Variants in ATP6V1B1 observed in about 807,000 individuals in gnomAD.
The protein encoded by ATP6V1B1 is ATPase H+ transporting V1 subunit B1, also known as V-type proton ATPase subunit B, kidney isoform.
ATP6V1B1 carries 41 observed loss-of-function variants against 62.1 expected under a neutral mutation model. The ratio of observed to expected loss-of-function variants is 0.66; its 90% CI spans 0.51 to 0.86. ATP6V1B1 has a LOEUF of 0.86. Among genes scored for constraint, ATP6V1B1 ranks in the 40% least tolerant of loss-of-function variants. ATP6V1B1 has a pLI of 0.00. For synonymous variants in ATP6V1B1, 253 were observed against 273.4 expected, an observed-to-expected ratio of 0.93 and a Z score of 0.74; for missense variants, 651 against 697.5, an observed-to-expected ratio of 0.93 and a Z score of 0.75.
intron 1 of ATP6V1B1, chr2:70,941,311 G>A: frequency 2.0e-6 from 2 of 985,592 alleles, no homozygotes; most frequent in Non-Finnish European, 2.4e-6. Context: ...CCCTCCTGGA[G>A]GTGACAGGTC....
chr2:70,961,324 G>A (rs1370350147), intron 7 of ATP6V1B1, among the ~76,000 whole-genome samples: 1 of 152,158 alleles, frequency 6.6e-6, no homozygotes, highest in African/African-American at 2.4e-5. Flanking sequence ...AGCAGCTGGC[G>A]ACAGGAGGGG....
At chr2:70,945,701 G>GATAGATATAT (rs1553417204) in intron 2 of ATP6V1B1, among the ~76,000 whole-genome samples, 3 of 83,018 alleles carry the variant, frequency 3.6e-5, no homozygotes, top group Non-Finnish European at 6.7e-5. Flanking sequence ...TATTTGAAGA[G>GATAGATATAT]ATATATATAT....
chr2:70,957,078 GTTC>G (rs1285219587), intron 2 of ATP6V1B1, among the ~76,000 whole-genome samples: 9 of 143,398 alleles, frequency 6.3e-5, no homozygotes, highest in South Asian at 2.2e-4. Flanking sequence ...TGGTTTAAAA[GTTC>G]TTCTTCTTTT....
chr2:70,940,274 C>T, intron 1 of ATP6V1B1: 1 of 708,228 alleles, frequency 1.4e-6, no homozygotes, highest in Non-Finnish European at 1.7e-6. Context: ...GACTTGTCTC[C>T]TGAGGCAGTG....
At chr2:70,947,921 C>T (rs782401010) in intron 2 of ATP6V1B1, among the ~76,000 whole-genome samples, 1 of 152,198 alleles carries the variant, frequency 6.6e-6, no homozygotes, top group Non-Finnish European at 1.5e-5. Context: ...CCTGGACTAG[C>T]TATCCCCCAC....
chr2:70,953,905 T>C lies in ATP6V1B1; in HGVS notation c.175-4141T>C, dbSNP rs61645968. ...TTCTGGTTTGAGTTATATTTATTCA[T>C]GTTATCTAATTTCTCAAATGTGTTG... is the stretch of plus-strand genomic sequence containing the variant. On this transcript the variant is annotated intron_variant, in intron 2 of 13. Coordinates refer to ENST00000234396, the MANE Select transcript of ATP6V1B1 (RefSeq NM_001692.4). Among the ~76,000 whole-genome samples the C allele has an allele frequency of 2.9e-3, 437 of 152,354 alleles. 1 individual carries two copies. The highest frequency in any genetic ancestry group is 0.01 in the African/African-American group (424 of 41,582).
In ATP6V1B1 at chr2:70,958,433, G is replaced by A; in HGVS notation, c.367+7G>A. The A allele has an allele frequency of 6.6e-7, 1 of 1,505,828 alleles. No individual in the cohort carries two copies. Among genetic ancestry groups the A allele is most frequent in the Non-Finnish European group, 9.2e-7 (1 of 1,085,954 alleles). 93.3% of individuals were successfully genotyped at this position (1,505,828 alleles called of 1,614,324 possible). A position where few individuals can be genotyped will look rare whatever the true frequency, so the allele number is the denominator to read the frequency against. The stretch of plus-strand genomic sequence containing the variant: ...GTGTCAGAGGACATGCTGGGTGAGG[G>A]ACAGGGAGGGGCAGGGGTGGGGGTG... On this transcript the variant is annotated splice_region_variant and intron_variant, in intron 4 of 13. Transcript: ENST00000234396.
chr2:70,963,172 C>T lies in ATP6V1B1; in HGVS notation c.920C>T (p.Ala307Val). The stretch of plus-strand genomic sequence containing the variant: ...CCATGGATATTGCAGGTCTCTGCTG[C>T]TAGAGAGGAGGTGCCTGGGCGCCGA... The part of the protein sequence containing the change: ...YAEALREVSA[A>V]REEVPGRRGF... The change falls in exon 10 of 14, where the codon GCT (alanine) becomes GTT (valine). Residue 307 changes from alanine to valine, a missense_variant. Transcript: ENST00000234396. The surrounding 1 kb of genome is among the most constrained non-coding windows in gnomAD (Gnocchi z 4.3). 1 of 1,614,102 alleles carries T rather than the reference C, an allele frequency of 6.2e-7. No homozygotes were observed. Among genetic ancestry groups the T allele is most frequent in the Non-Finnish European group, 8.5e-7 (1 of 1,180,016 alleles).
In ATP6V1B1 at chr2:70,940,700, C is replaced by T. The variant is rs1227855891; in HGVS notation, c.119-2958C>T. ...CTCTTTCTCTTCTACTCTCTGCCTT[C>T]TCAGGAAGTATGGCTGGTGCTAGGG... is the stretch of plus-strand genomic sequence containing the variant. On this transcript the variant is annotated intron_variant, in intron 1 of 13. Coordinates refer to ENST00000234396, the MANE Select transcript of ATP6V1B1 (RefSeq NM_001692.4). The T allele has an allele frequency of 3.0e-6, 3 of 985,244 alleles. No homozygotes were observed. In the African/African-American group the frequency reaches 5.2e-5, roughly 17 times the overall value. 61.0% of individuals were successfully genotyped at this position (985,244 alleles called of 1,614,324 possible).
rs1558681015 is a variant in ATP6V1B1, at chr2:70,964,835, C to T, written c.1348C>T (p.Gln450Ter). The T allele has an allele frequency of 6.2e-7, 1 of 1,614,084 alleles. No individual in the cohort carries two copies. The highest frequency in any genetic ancestry group is 1.1e-5 in the South Asian group (1 of 91,076). Residue 450 changes from glutamine to a stop codon, truncating the protein, a stop_gained, in exon 13 of 14, where the codon CAG becomes TAG. Coordinates refer to ENST00000234396, the MANE Select transcript of ATP6V1B1 (RefSeq NM_001692.4). LOFTEE classifies it high-confidence loss of function. ...SEDLLYLEFL[Q>*]KFEKNFINQG... is the part of the protein sequence containing the mutation. ...GGACCTGCTCTACCTGGAATTCCTG[C>T]AGAAGTTTGAGAAGAACTTCATCAA... is the stretch of plus-strand genomic sequence containing the variant.
chr2:70,964,584 T>G, intron 12 of ATP6V1B1, 42 bp downstream of exon 12: 2 of 1,611,018 alleles, frequency 1.2e-6, no homozygotes, highest in Non-Finnish European at 1.7e-6. Context: ...TCCTCTAGTT[T>G]CCGAAGCTGA....
In ATP6V1B1 at chr2:70,957,250, A is replaced by AATAT. The variant is rs55638187; in HGVS notation, c.175-778_175-775dup. ...ACAGGTGTGCACCACCACACCTGGC[A>AATAT]ATATATATATATATATATATAGCAT... On this transcript the variant is annotated intron_variant, in intron 2 of 13. Coordinates refer to ENST00000234396, the MANE Select transcript of ATP6V1B1 (RefSeq NM_001692.4). Among the ~76,000 whole-genome samples, 390 of 144,886 alleles carry AATAT rather than the reference A, an allele frequency of 2.7e-3. 2 individuals are homozygous for AATAT. Among genetic ancestry groups the AATAT allele is most frequent in the South Asian group, 7.2e-3 (32 of 4,426 alleles).
intron 1 of ATP6V1B1, chr2:70,940,692 T>G: frequency 2.0e-6 from 2 of 985,404 alleles, no homozygotes; most frequent in Non-Finnish European, 2.4e-6. Context: ...TCTTCTACTC[T>G]CTGCCTTCTC....
chr2:70,961,575 C>G (rs782301920), intron 7 of ATP6V1B1, 21 bp from the exon 8 acceptor site: 1 of 1,613,220 alleles, frequency 6.2e-7, no homozygotes, highest in Admixed American at 1.7e-5. Context: ...CTACCTCCAG[C>G]CCACCCTGCT....
Position 70,965,200 on chromosome 2 carries a change from C to T in ATP6V1B1, c.*79C>T, listed in dbSNP as rs1053080898. The T allele has an allele frequency of 3.9e-5, 61 of 1,577,930 alleles. No homozygotes were observed. Among genetic ancestry groups the T allele is most frequent in the Non-Finnish European group, 5.0e-5 (58 of 1,166,636 alleles). On this transcript the variant is annotated 3_prime_UTR_variant, in exon 14 of 14. Transcript: ENST00000234396. ...GGTCTCCCCTCCCTCGCCACCCCAA[C>T]CAGCGGCTTCTGCGCCGCCCTCCGC... is the stretch of plus-strand genomic sequence containing the variant.
intron 4 of ATP6V1B1, 32 bp downstream of exon 4, chr2:70,958,458 G>T: frequency 1.9e-6 from 3 of 1,589,920 alleles, no homozygotes; most frequent in Non-Finnish European, 2.6e-6. Flanking sequence ...GGGTGGGGGT[G>T]CTCCTCTGCC....
intron 2 of ATP6V1B1, among the ~76,000 whole-genome samples, chr2:70,949,294 G>A (rs782115884): frequency 2.2e-4 from 33 of 152,268 alleles, no homozygotes; most frequent in Non-Finnish European, 3.7e-4. Flanking sequence ...CATAGCAGGC[G>A]ATAGTATGGA....
rs1680639536 is a variant in ATP6V1B1 at position 70,963,483 on chromosome 2, C to T, written c.1061-89C>T. 6.5e-7 allele frequency: 1 copy of T among 1,535,474 alleles called. No homozygotes were observed. On this transcript the variant is annotated intron_variant, in intron 10 of 13. Coordinates refer to ENST00000234396, the MANE Select transcript of ATP6V1B1 (RefSeq NM_001692.4). This position sits in a 1 kb window ranked among gnomAD's most constrained non-coding sequence, Gnocchi z 4.3. ...CCATGCCCCCCACACATCCCTATCA[C>T]TCCCATGAGGGAAACAGACCCCAGG...
intron 1 of ATP6V1B1, chr2:70,939,935 A>G (rs1375935080): frequency 3.3e-5 from 5 of 152,262 alleles, no homozygotes; most frequent in African/African-American, 1.2e-4. Flanking sequence ...GGCTGCGAGA[A>G]GCCCAGGAAG....
Sources: gnomAD v4.1 joint callset for allele counts (sites outside exome capture counted in the v4.1 genomes callset) on GRCh38, gnomAD v4.1.1 for gene constraint, Gnocchi (gnomAD v3.1) non-coding constraint, MANE v1.5 for transcripts, NCBI Gene and HGNC (gene_info 2026-07-23, HGNC 2026-07-21) for gene names.